ASIC2: variants seen among roughly 807,000 people sequenced by gnomAD.
ASIC2 encodes the protein acid-sensing ion channel 2.
Under a neutral mutation model 57.3 loss-of-function variants are expected in ASIC2, and 25 were observed. That is an observed-to-expected ratio of 0.44 (90% CI 0.32 to 0.61). The LOEUF is 0.61. ASIC2 is among the 20% of genes least tolerant of loss of function. ASIC2 has a pLI of 0.06. For missense variants in ASIC2, 641 were observed against 738.1 expected, an observed-to-expected ratio of 0.87 and a Z score of 1.52; for synonymous variants, 319 against 307.5, an observed-to-expected ratio of 1.04 and a Z score of -0.39.
intron 1 of ASIC2, among the ~76,000 whole-genome samples, chr17:33,440,764 G>A (rs572813958): frequency 5.9e-5 from 9 of 151,930 alleles, no homozygotes; most frequent in African/African-American, 9.7e-5. Flanking sequence ...GTATTTTCTC[G>A]GGTGAAATGT....
intron 1 of ASIC2, among the ~76,000 whole-genome samples, chr17:33,128,916 C>T (rs1021733397): frequency 3.5e-4 from 54 of 152,326 alleles, no homozygotes; most frequent in African/African-American, 1.2e-3. Flanking sequence ...TCAGTGAATA[C>T]GTCCATATAT....
At chr17:33,497,760 TA>T (rs999984216) in intron 1 of ASIC2, among the ~76,000 whole-genome samples, 52 of 151,754 alleles carry the variant, frequency 3.4e-4, no homozygotes, top group African/African-American at 1.2e-3. Flanking sequence ...TTTTTTCAGA[TA>T]AAAAAAAGGA....
At chr17:33,910,503 A>C (rs533577844) in intron 1 of ASIC2, among the ~76,000 whole-genome samples, 4 of 152,306 alleles carry the variant, frequency 2.6e-5, no homozygotes, top group East Asian at 3.9e-4. Flanking sequence ...GATGATGGAA[A>C]CATCTCATCC....
At chr17:33,743,401 C>T (rs1031795417) in intron 1 of ASIC2, among the ~76,000 whole-genome samples, 5 of 152,234 alleles carry the variant, frequency 3.3e-5, no homozygotes, top group African/African-American at 1.2e-4. Flanking sequence ...TTCCTCTCCC[C>T]TCAGTTCCCA....
chr17:34,120,387 GTA>G (rs2142118455), intron 1 of ASIC2, among the ~76,000 whole-genome samples: 1 of 152,222 alleles, frequency 6.6e-6, no homozygotes, highest in South Asian at 2.1e-4. Context: ...ATCTGATACA[GTA>G]TAGAGTGTGT....
At chr17:33,110,542 G>A (rs1437142805) in intron 2 of ASIC2, among the ~76,000 whole-genome samples, 1 of 152,242 alleles carries the variant, frequency 6.6e-6, no homozygotes, top group Admixed American at 6.5e-5. Context: ...TGACATGTGT[G>A]TGGCCATTTT....
intron 1 of ASIC2, among the ~76,000 whole-genome samples, chr17:33,252,020 G>A (rs1908901798): frequency 6.6e-6 from 1 of 152,180 alleles, no homozygotes; most frequent in Admixed American, 6.5e-5. Flanking sequence ...CCGTTTTTCA[G>A]ATAGGAGAAT....
At chr17:33,734,182 C>G (rs1486254565) in intron 1 of ASIC2, among the ~76,000 whole-genome samples, 1 of 152,112 alleles carries the variant, frequency 6.6e-6, no homozygotes, top group Non-Finnish European at 1.5e-5. Flanking sequence ...AGCCCTTCCT[C>G]CAGTGCTCCC....
At chr17:33,822,598 G>A (rs547228594) in intron 1 of ASIC2, among the ~76,000 whole-genome samples, 23 of 152,320 alleles carry the variant, frequency 1.5e-4, no homozygotes, top group African/African-American at 5.3e-4. Context: ...GGGAAGAGAG[G>A]AGATGAGATA....
At chr17:33,390,032 G>T (rs1475490338) in intron 1 of ASIC2, among the ~76,000 whole-genome samples, 5 of 152,054 alleles carry the variant, frequency 3.3e-5, no homozygotes, top group Admixed American at 6.5e-5. Flanking sequence ...TCTCTTTCTG[G>T]CTGGGCGTGG....
intron 1 of ASIC2, among the ~76,000 whole-genome samples, chr17:34,132,071 G>A (rs572564504): frequency 1.6e-4 from 24 of 152,202 alleles, no homozygotes; most frequent in Non-Finnish European, 3.4e-4. Flanking sequence ...GGATCATAAT[G>A]CCTCTGCAGG....
At chr17:33,132,440 A>G (rs2092350548) in intron 1 of ASIC2, among the ~76,000 whole-genome samples, 1 of 152,152 alleles carries the variant, frequency 6.6e-6, no homozygotes, top group Non-Finnish European at 1.5e-5. Flanking sequence ...ACATTCTAAC[A>G]TTCAAGCAGA....
chr17:33,972,825 C>T (rs149288649), intron 1 of ASIC2, among the ~76,000 whole-genome samples: 1 of 152,368 alleles, frequency 6.6e-6, no homozygotes, highest in East Asian at 1.9e-4. Context: ...TGGGCCCCGT[C>T]GCAGACAATG....
At chr17:33,512,933 G>T (rs917374671) in intron 1 of ASIC2, among the ~76,000 whole-genome samples, 1 of 152,238 alleles carries the variant, frequency 6.6e-6, no homozygotes, top group African/African-American at 2.4e-5. Flanking sequence ...AAACCTGAAG[G>T]CCAGGGAAGG....
chr17:33,537,261 G>C (rs749426644), intron 1 of ASIC2, among the ~76,000 whole-genome samples: 8 of 152,084 alleles, frequency 5.3e-5, no homozygotes, highest in Non-Finnish European at 1.2e-4. Flanking sequence ...CTCTGTGTTT[G>C]CTGATCCCTT....
chr17:33,425,034 C>T (rs1023087866), intron 1 of ASIC2, among the ~76,000 whole-genome samples: 1 of 152,210 alleles, frequency 6.6e-6, no homozygotes, highest in Non-Finnish European at 1.5e-5. Flanking sequence ...AATTTACACA[C>T]ATTATTCCAC....
intron 1 of ASIC2, among the ~76,000 whole-genome samples, chr17:33,675,497 T>TG (rs1907790223): frequency 1.3e-5 from 2 of 152,342 alleles, no homozygotes; most frequent in Admixed American, 1.3e-4. Flanking sequence ...GTTCTTGCCT[T>TG]GGGGGACACA....
intron 1 of ASIC2, among the ~76,000 whole-genome samples, chr17:33,748,380 G>A (rs1350614897): frequency 1.3e-5 from 2 of 152,230 alleles, no homozygotes; most frequent in Admixed American, 6.5e-5. Flanking sequence ...TGCATCCAGA[G>A]CAGTTTATGG....
At chr17:33,532,750 C>A (rs1482964186) in intron 1 of ASIC2, among the ~76,000 whole-genome samples, 1 of 152,190 alleles carries the variant, frequency 6.6e-6, no homozygotes, top group Non-Finnish European at 1.5e-5. Flanking sequence ...TGCCGCCAGT[C>A]TTGCCTCTCA....
Sources: allele counts gnomAD v4.1 joint callset (sites outside exome capture counted in the v4.1 genomes callset), GRCh38; gene constraint gnomAD v4.1.1; transcripts MANE v1.5; gene names NCBI Gene and HGNC (gene_info 2026-07-23, HGNC 2026-07-21).